LYPD6: variants seen among roughly 807,000 people sequenced by gnomAD.
The protein encoded by LYPD6 is ly6/PLAUR domain-containing protein 6.
LYPD6 carries 15 observed loss-of-function variants against 22.7 expected under a neutral mutation model. That is an observed-to-expected ratio of 0.66 (90% CI 0.44 to 1.02). The LOEUF (loss-of-function observed/expected upper bound fraction) is 1.02, where lower values mean the gene tolerates loss of function less well. Among genes scored for constraint, LYPD6 ranks in the 50% least tolerant of loss-of-function variants. The pLI is 0.00. For missense variants in LYPD6, 189 were observed against 208.4 expected, an observed-to-expected ratio of 0.91 and a Z score of 0.57; for synonymous variants, 72 against 77.5, an observed-to-expected ratio of 0.93 and a Z score of 0.37.
At chr2:149,346,851 C>A (rs754627423) in intron 1 of LYPD6, among the ~76,000 whole-genome samples, 1 of 152,180 alleles carries the variant, frequency 6.6e-6, no homozygotes, top group Non-Finnish European at 1.5e-5. Context: ...CAGGCAAGTG[C>A]CACCACGCCC....
intron 1 of LYPD6, among the ~76,000 whole-genome samples, chr2:149,356,031 C>A (rs878887437): frequency 8.6e-5 from 13 of 150,960 alleles, no homozygotes; most frequent in Admixed American, 3.3e-4. Flanking sequence ...AGTCAAAATG[C>A]TGGAAGAACA....
chr2:149,439,071 T>C (rs951233959), intron 2 of LYPD6, among the ~76,000 whole-genome samples: 1 of 152,232 alleles, frequency 6.6e-6, no homozygotes, highest in East Asian at 1.9e-4. Flanking sequence ...ATAATATCTG[T>C]AAAACACTAG....
chr2:149,434,251 G>T (rs1181647605), intron 1 of LYPD6, among the ~76,000 whole-genome samples: 1 of 152,108 alleles, frequency 6.6e-6, no homozygotes, highest in African/African-American at 2.4e-5. Context: ...GCTGCATAAG[G>T]TTACATGGAA....
the LYPD6 span, among the ~76,000 whole-genome samples, chr2:149,483,194 T>C: frequency 6.6e-6 from 1 of 152,230 alleles, no homozygotes; most frequent in African/African-American, 2.4e-5. Context: ...TCCAGCATTC[T>C]GGCATTCAAG....
At chr2:149,429,424 T>C (rs1438342647) in intron 1 of LYPD6, among the ~76,000 whole-genome samples, 1 of 152,230 alleles carries the variant, frequency 6.6e-6, no homozygotes, top group East Asian at 1.9e-4. Context: ...ACTGGATGGT[T>C]AGGTGAGACA....
chr2:149,342,630 G>A (rs1473256414), intron 1 of LYPD6, among the ~76,000 whole-genome samples: 2 of 152,164 alleles, frequency 1.3e-5, no homozygotes, highest in African/African-American at 4.8e-5. Context: ...CTATTTGTGG[G>A]AGGGAATAAT....
chr2:149,333,659 T>C (rs1680979249), intron 1 of LYPD6, among the ~76,000 whole-genome samples: 1 of 152,240 alleles, frequency 6.6e-6, no homozygotes, highest in Non-Finnish European at 1.5e-5. Flanking sequence ...TAGGGATACA[T>C]GTGCAAACTC....
chr2:149,422,751 CATCT>C (rs1466907122), intron 1 of LYPD6, among the ~76,000 whole-genome samples: 2 of 152,132 alleles, frequency 1.3e-5, no homozygotes, highest in African/African-American at 4.8e-5. Context: ...CAACGTCTCC[CATCT>C]ATCTGTCTTC....
chr2:149,479,817 A>G, the LYPD6 span, among the ~76,000 whole-genome samples: 1 of 152,100 alleles, frequency 6.6e-6, no homozygotes, highest in Non-Finnish European at 1.5e-5. Flanking sequence ...GTAGACTTTG[A>G]AATGCAAACC....
chr2:149,376,539 C>T (rs1262052287), intron 1 of LYPD6, among the ~76,000 whole-genome samples: 2 of 152,066 alleles, frequency 1.3e-5, no homozygotes, highest in African/African-American at 4.8e-5. Flanking sequence ...TAAAATACTA[C>T]TAATAATAAC....
intron 1 of LYPD6, among the ~76,000 whole-genome samples, chr2:149,368,477 G>A (rs77077534): frequency 0.044 from 6,658 of 152,210 alleles, 192 homozygotes; most frequent in Non-Finnish European, 0.055. Context: ...AGGCTTCAGT[G>A]ATCTATGATT....
At chr2:149,446,898 A>T (rs1167121735) in intron 2 of LYPD6, among the ~76,000 whole-genome samples, 1 of 152,154 alleles carries the variant, frequency 6.6e-6, no homozygotes, top group African/African-American at 2.4e-5. Flanking sequence ...TTCTGGCCTT[A>T]AGCTACTGCC....
chr2:149,439,315 G>T (rs1179281187), intron 2 of LYPD6, among the ~76,000 whole-genome samples: 2 of 152,136 alleles, frequency 1.3e-5, no homozygotes, highest in Non-Finnish European at 2.9e-5. Context: ...TGCTTGTTTT[G>T]TGGGGATTTT....
Position 149,473,120 on chromosome 2 carries a change from A to G in LYPD6, c.*2270A>G, listed in dbSNP as rs76770857. 0.01 allele frequency: 1,570 copies of G among 152,648 alleles called. 6 individuals are homozygous for G. The highest frequency in any genetic ancestry group is 0.013 in the Non-Finnish European group (890 of 68,030). The allele number at this position is 152,648 out of a possible 1,614,324, so 9.5% of individuals were successfully genotyped here. On this transcript the variant is annotated 3_prime_UTR_variant, in exon 5 of 5. Coordinates refer to ENST00000334166, the MANE Select transcript of LYPD6 (RefSeq NM_194317.5). ...ATACCTACAAGTACCATTTTTGTGC[A>G]TGATTACACTCCACTGACATCTTCC... is the stretch of plus-strand genomic sequence containing the variant.
At chr2:149,442,644 TA>T (rs58308962) in intron 2 of LYPD6, among the ~76,000 whole-genome samples, 37,593 of 140,776 alleles carry the variant, frequency 0.27, 5,215 homozygotes, top group African/African-American at 0.42. Flanking sequence ...TTCCGTCCTT[TA>T]AAAAAAAAAA....
intron 3 of LYPD6, 45 bp from the exon 4 acceptor site, chr2:149,468,600 T>C (rs1252083444): frequency 6.3e-7 from 1 of 1,596,406 alleles, no homozygotes; most frequent in African/African-American, 1.3e-5. Flanking sequence ...TTTAGGCAGG[T>C]TTGGTCAACA....
At chr2:149,423,387 A>G (rs571101987) in intron 1 of LYPD6, among the ~76,000 whole-genome samples, 69 of 152,324 alleles carry the variant, frequency 4.5e-4, no homozygotes, top group African/African-American at 1.3e-3. Flanking sequence ...ATCAGGCTGC[A>G]TGATGAAGGG....
At chr2:149,350,755 T>C (rs1205764114) in intron 1 of LYPD6, among the ~76,000 whole-genome samples, 1 of 152,240 alleles carries the variant, frequency 6.6e-6, no homozygotes, top group Non-Finnish European at 1.5e-5. Flanking sequence ...ATGTAGTTAG[T>C]GTCTCCTGTG....
At chr2:149,449,375 A>G (rs965516405) in intron 3 of LYPD6, among the ~76,000 whole-genome samples, 1 of 152,204 alleles carries the variant, frequency 6.6e-6, no homozygotes, top group Admixed American at 6.5e-5. Flanking sequence ...GGCACTCCAC[A>G]GGAGGTGATA....
Sources: allele counts gnomAD v4.1 joint callset (sites outside exome capture counted in the v4.1 genomes callset), GRCh38; gene constraint gnomAD v4.1.1; transcripts MANE v1.5; gene names NCBI Gene and HGNC (gene_info 2026-07-23, HGNC 2026-07-21).